MAML3: variants seen among roughly 807,000 people sequenced by gnomAD.
MAML3 encodes the protein mastermind like transcriptional coactivator 3, also known as mastermind-like protein 3.
MAML3 carries 27 observed loss-of-function variants against 101.9 expected under a neutral mutation model. The observed-to-expected ratio is 0.27, with a 90% CI of 0.20 to 0.37. MAML3 has a LOEUF of 0.37. Among genes scored for constraint, MAML3 ranks in the 10% least tolerant of loss-of-function variants. The pLI, the probability that MAML3 is intolerant of heterozygous loss-of-function variation, is 1.00. For missense variants in MAML3, 1,316 were observed against 1,444.9 expected (o/e 0.91, Z 1.45); for synonymous variants, 501 against 555.9 (o/e 0.90, Z 1.39).
intron 1 of MAML3, among the ~76,000 whole-genome samples, chr4:140,031,064 A>T (rs932196632): frequency 6.6e-6 from 1 of 152,198 alleles, no homozygotes; most frequent in African/African-American, 2.4e-5. Flanking sequence ...CCTGCACTAA[A>T]TGGCCACAGT....
At chr4:139,976,329 T>C (rs770960812) in intron 1 of MAML3, among the ~76,000 whole-genome samples, 7 of 152,238 alleles carry the variant, frequency 4.6e-5, no homozygotes, top group Non-Finnish European at 1.0e-4. Flanking sequence ...GAAATCTTTT[T>C]AACATCAGCC....
intron 1 of MAML3, among the ~76,000 whole-genome samples, chr4:140,054,747 C>CGTGGGG: frequency 6.6e-6 from 1 of 152,200 alleles, no homozygotes; most frequent in Non-Finnish European, 1.5e-5. Context: ...ATCAGCTCCC[C>CGTGGGG]ACAGGCAGGG....
chr4:139,768,948 G>A (rs544006466), intron 2 of MAML3, among the ~76,000 whole-genome samples: 1 of 152,350 alleles, frequency 6.6e-6, no homozygotes, highest in East Asian at 1.9e-4. Context: ...ATTGACAGAA[G>A]GTGTACATGA....
At chr4:140,049,463 C>T (rs2110920271) in intron 1 of MAML3, among the ~76,000 whole-genome samples, 1 of 152,152 alleles carries the variant, frequency 6.6e-6, no homozygotes, top group East Asian at 1.9e-4. Flanking sequence ...AGCAAGTGTG[C>T]GGATGGTTTA....
intron 1 of MAML3, among the ~76,000 whole-genome samples, chr4:140,047,692 CTTGAGT>C (rs1374857987): frequency 1.3e-5 from 2 of 151,502 alleles, no homozygotes; most frequent in African/African-American, 4.8e-5. Context: ...GCTCTTGGAG[CTTGAGT>C]TTGATATTTA....
chr4:139,736,044 G>A (rs929985336), intron 2 of MAML3, among the ~76,000 whole-genome samples: 5 of 152,152 alleles, frequency 3.3e-5, no homozygotes, highest in Non-Finnish European at 7.4e-5. Context: ...GCAGGAAAGA[G>A]TAAAAATAAA....
intron 2 of MAML3, among the ~76,000 whole-genome samples, chr4:139,766,585 C>T (rs1729864415): frequency 6.6e-6 from 1 of 152,176 alleles, no homozygotes; most frequent in Non-Finnish European, 1.5e-5. Flanking sequence ...TAGGGCTTGG[C>T]ACCTATGGTA....
intron 2 of MAML3, among the ~76,000 whole-genome samples, chr4:139,883,228 A>G (rs1390748187): frequency 6.6e-6 from 1 of 152,182 alleles, no homozygotes; most frequent in Non-Finnish European, 1.5e-5. Flanking sequence ...AGAGAGGGAA[A>G]AGAAAAGGAA....
intron 1 of MAML3, among the ~76,000 whole-genome samples, chr4:140,034,424 G>A (rs534025543): frequency 1.3e-5 from 2 of 152,280 alleles, no homozygotes; most frequent in South Asian, 4.1e-4. Context: ...AGATGGAGTT[G>A]GAAGACATAT....
At chr4:140,146,584 C>CA (rs1434572641) in intron 1 of MAML3, among the ~76,000 whole-genome samples, 4 of 152,074 alleles carry the variant, frequency 2.6e-5, no homozygotes, top group Admixed American at 2.6e-4. Flanking sequence ...TTCCAAGTCA[C>CA]AAAACTAAAT....
chr4:139,954,675 G>GT (rs1314947393), intron 1 of MAML3, among the ~76,000 whole-genome samples: 1 of 152,178 alleles, frequency 6.6e-6, no homozygotes, highest in Non-Finnish European at 1.5e-5. Flanking sequence ...TTCACTTTGC[G>GT]TAAGAAGTGT....
At chr4:139,859,997 G>C (rs1731740667) in intron 2 of MAML3, among the ~76,000 whole-genome samples, 2 of 152,220 alleles carry the variant, frequency 1.3e-5, no homozygotes, top group South Asian at 4.1e-4. Flanking sequence ...GGCTAGAGGA[G>C]CAGCCACCGA....
chr4:139,871,061 T>G (rs1731998108), intron 2 of MAML3, among the ~76,000 whole-genome samples: 1 of 152,170 alleles, frequency 6.6e-6, no homozygotes, highest in Admixed American at 6.5e-5. Context: ...ATACACACAT[T>G]TTATTTCTTG....
At chr4:140,016,200 G>A (rs1443153491) in intron 1 of MAML3, among the ~76,000 whole-genome samples, 2 of 152,126 alleles carry the variant, frequency 1.3e-5, no homozygotes, top group Non-Finnish European at 2.9e-5. Context: ...CTTACTGAAA[G>A]ATGAAATATT....
intron 1 of MAML3, among the ~76,000 whole-genome samples, chr4:140,059,143 A>C (rs1284786978): frequency 6.6e-6 from 1 of 152,236 alleles, no homozygotes; most frequent in African/African-American, 2.4e-5. Context: ...CATTTAAAAA[A>C]AATCTGTCTA....
chr4:139,897,107 G>A (rs552464449), intron 1 of MAML3, among the ~76,000 whole-genome samples: 1 of 152,278 alleles, frequency 6.6e-6, no homozygotes, highest in African/African-American at 2.4e-5. Flanking sequence ...AAGTTGGGCA[G>A]GATCACAGAG....
rs146631401 is a variant in MAML3 at position 139,842,242 on chromosome 4, T to C, written c.2079+47115A>G. ...TTCCCATCTGAAACAAGCTGAGAGG[T>C]TTGAGGATGCCAAACAAGGAGTTTA... On this transcript the variant is annotated intron_variant, in intron 2 of 4. Transcript: ENST00000509479. 3.3e-5 allele frequency among the ~76,000 whole-genome samples: 5 copies of C among 152,184 alleles called. No individual in the cohort carries two copies. In the East Asian group the frequency reaches 9.7e-4, roughly 29 times the overall value.
chr4:139,882,212 A>G (rs1271200484), intron 2 of MAML3, among the ~76,000 whole-genome samples: 1 of 152,168 alleles, frequency 6.6e-6, no homozygotes, highest in East Asian at 1.9e-4. Context: ...GGTTTAATAC[A>G]TAATAAACAG....
rs944628098 is a variant in MAML3, at chr4:139,943,967, T to C, written c.469-53000A>G. ...CTCACTGCAACCTCCGCCTCCCGGG[T>C]TCAAGCGATTCTCCTGCCTCAGCCT... On this transcript the variant is annotated intron_variant, in intron 1 of 4. Transcript: ENST00000509479. Among the ~76,000 whole-genome samples, 5 of 139,114 alleles carry C rather than the reference T, an allele frequency of 3.6e-5. No homozygotes were observed. In the South Asian group the frequency reaches 7.0e-4, roughly 19 times the overall value. 91.3% of individuals were successfully genotyped at this position (139,114 alleles called of 152,430 possible).
Sources: allele counts gnomAD v4.1 joint callset (sites outside exome capture counted in the v4.1 genomes callset), GRCh38; gene constraint gnomAD v4.1.1; transcripts MANE v1.5; gene names NCBI Gene and HGNC (gene_info 2026-07-23, HGNC 2026-07-21).